CLASP2: variants seen among roughly 807,000 people sequenced by gnomAD.
CLASP2 encodes cytoplasmic linker associated protein 2.
In CLASP2, 47 loss-of-function variants were observed where a neutral mutation model predicts 194.4. That is an observed-to-expected ratio of 0.24 (90% confidence interval 0.19 to 0.31). The LOEUF is 0.31. Ranked by LOEUF, CLASP2 falls within the 10% of genes least tolerant of loss-of-function variation. The pLI, the probability that CLASP2 is intolerant of heterozygous loss-of-function variation, is 1.00. For missense variants in CLASP2, 1,445 were observed against 1,823.6 expected, an observed-to-expected ratio of 0.79 and a Z score of 3.78; for synonymous variants, 619 against 633.5, an observed-to-expected ratio of 0.98 and a Z score of 0.34.
chr3:33,500,905 A>G (rs2046704786), intron 38 of CLASP2, among the ~76,000 whole-genome samples: 1 of 152,090 alleles, frequency 6.6e-6, no homozygotes. Context: ...ATTCAAAACA[A>G]TTATTATCAT....
intron 18 of CLASP2, among the ~76,000 whole-genome samples, chr3:33,602,038 G>A (rs2072374150): frequency 6.7e-6 from 1 of 148,180 alleles, no homozygotes; most frequent in South Asian, 2.1e-4. Flanking sequence ...TTTTTTGACG[G>A]AGTCTCACTC....
intron 7 of CLASP2, among the ~76,000 whole-genome samples, chr3:33,653,374 G>C (rs1224810844): frequency 6.6e-6 from 1 of 152,054 alleles, no homozygotes; most frequent in African/African-American, 2.4e-5. Flanking sequence ...AAAAAATCTA[G>C]TGTGCAGGAA....
At chr3:33,528,998 C>G (rs147803905) in intron 34 of CLASP2, among the ~76,000 whole-genome samples, 1 of 152,076 alleles carries the variant, frequency 6.6e-6, no homozygotes, top group Non-Finnish European at 1.5e-5. Flanking sequence ...AATCAACATA[C>G]GAAAATCACT....
At chr3:33,598,376 A>G (rs180764809) in intron 18 of CLASP2, among the ~76,000 whole-genome samples, 44 of 152,094 alleles carry the variant, frequency 2.9e-4, no homozygotes, top group Admixed American at 1.6e-3. Context: ...ATCGTATCTG[A>G]TATCTACTAC....
intron 34 of CLASP2, among the ~76,000 whole-genome samples, chr3:33,528,029 A>G (rs2055097260): frequency 1.3e-5 from 2 of 152,154 alleles, no homozygotes; most frequent in South Asian, 4.1e-4. Context: ...ATGAACATCA[A>G]TGCAAAATCC....
chr3:33,604,320 CTTTT>C (rs199958865), intron 16 of CLASP2, 111 bp from the exon 17 acceptor site: 159 of 571,594 alleles, frequency 2.8e-4, no homozygotes, highest in East Asian at 3.6e-4. Flanking sequence ...TTTCTTTTTT[CTTTT>C]TTTTTTTTTT....
chr3:33,515,893 G>A (rs769169009), intron 36 of CLASP2, 130 bp downstream of exon 36: 15 of 788,388 alleles, frequency 1.9e-5, no homozygotes, highest in South Asian at 3.4e-5. Flanking sequence ...CTTGCATCTC[G>A]ATCAGGTATT....
chr3:33,558,555 C>A (rs1310521307), intron 29 of CLASP2: 1 of 150,820 alleles, frequency 6.6e-6, no homozygotes, highest in Non-Finnish European at 1.5e-5. Flanking sequence ...TATTCTTTTA[C>A]ATTTTTTCTT....
At position 33,581,838 on chromosome 3, in the gene CLASP2, C is replaced by G; in HGVS notation, c.2330G>C (p.Arg777Pro). Reference protein sequence around the residue: ...RESSRDTSPVRSFQPLGPGYG... With the variant: ...RESSRDTSPVPSFQPLGPGYG... ...ATACGTACCGAGGGGCTGAAAAGAG[C>G]GAACAGGACTTGTGTCTCTGCTGCT... is the stretch of plus-strand genomic sequence containing the variant. The change falls in exon 23 of 39, where the codon CGC becomes CCC. Residue 777 changes from arginine (R) to proline (P), a missense_variant. Physicochemically the swap from Arg to Pro is moderately radical, Grantham distance 103 (BLOSUM62 -2). Transcript: ENST00000682230. The G allele has an allele frequency of 6.2e-7, 1 of 1,613,134 alleles. No individual in the cohort carries two copies. The highest frequency in any genetic ancestry group is 8.5e-7 in the Non-Finnish European group (1 of 1,179,464).
chr3:33,575,329 C>T (rs2064629233), intron 24 of CLASP2, among the ~76,000 whole-genome samples: 1 of 152,074 alleles, frequency 6.6e-6, no homozygotes, highest in Admixed American at 6.6e-5. Context: ...TAAAAACCTG[C>T]CTTTTCAAAT....
intron 32 of CLASP2, 40 bp downstream of exon 32, chr3:33,543,393 T>C: frequency 1.5e-6 from 2 of 1,314,438 alleles, no homozygotes; most frequent in Middle Eastern, 3.6e-4. Flanking sequence ...AATGGGAATT[T>C]ACAAATACAA....
intron 21 of CLASP2, among the ~76,000 whole-genome samples, chr3:33,589,536 A>G (rs2068214574): frequency 6.6e-6 from 1 of 152,150 alleles, no homozygotes; most frequent in Non-Finnish European, 1.5e-5. Context: ...AGAATTCGGA[A>G]TGGAACATAT....
At chr3:33,523,668 C>T (rs188526743) in intron 34 of CLASP2, among the ~76,000 whole-genome samples, 1 of 152,220 alleles carries the variant, frequency 6.6e-6, no homozygotes, top group Admixed American at 6.5e-5. Context: ...TATACATTGG[C>T]AATTATAAAA....
intron 6 of CLASP2, among the ~76,000 whole-genome samples, chr3:33,672,190 C>G (rs1274525952): frequency 6.6e-6 from 1 of 152,184 alleles, no homozygotes; most frequent in African/African-American, 2.4e-5. Flanking sequence ...CTGGGAGGCA[C>G]CCCTCAGTAA....
intron 11 of CLASP2, among the ~76,000 whole-genome samples, chr3:33,621,788 T>C (rs905130850): frequency 2.6e-5 from 4 of 152,166 alleles, no homozygotes; most frequent in African/African-American, 9.7e-5. Flanking sequence ...TGCTAAAATA[T>C]CAGAAATTGA....
At chr3:33,692,504 G>A (rs1033132575) in intron 2 of CLASP2, among the ~76,000 whole-genome samples, 1 of 152,050 alleles carries the variant, frequency 6.6e-6, no homozygotes, top group African/African-American at 2.4e-5. Flanking sequence ...GCACTGGATC[G>A]CTTTTTAACA....
chr3:33,530,910 G>C (rs2056130807), intron 34 of CLASP2, among the ~76,000 whole-genome samples: 1 of 152,186 alleles, frequency 6.6e-6, no homozygotes, highest in Admixed American at 6.5e-5. Flanking sequence ...ATTATCCAAA[G>C]AGATCTACAG....
intron 9 of CLASP2, among the ~76,000 whole-genome samples, chr3:33,629,063 A>G (rs1178460415): frequency 2.6e-5 from 4 of 152,162 alleles, no homozygotes; most frequent in Non-Finnish European, 5.9e-5. Context: ...ATGATCAGTG[A>G]TTTACTCAAG....
chr3:33,593,011 A>G (rs1175726258), intron 20 of CLASP2, among the ~76,000 whole-genome samples: 1 of 152,234 alleles, frequency 6.6e-6, no homozygotes, highest in Non-Finnish European at 1.5e-5. Flanking sequence ...GTATATGGAC[A>G]TGTTTACTGC....
Sources: allele counts gnomAD v4.1 joint callset (sites outside exome capture counted in the v4.1 genomes callset), GRCh38; gene constraint gnomAD v4.1.1; transcripts MANE v1.5; gene names NCBI Gene and HGNC (gene_info 2026-07-23, HGNC 2026-07-21).